SCFD2: variants seen among roughly 807,000 people sequenced by gnomAD.
The protein encoded by SCFD2 is sec1 family domain-containing protein 2.
A neutral mutation model predicts 58.9 loss-of-function variants in SCFD2; 54 were observed. The ratio of observed to expected loss-of-function variants is 0.92; its 90% CI spans 0.74 to 1.15. SCFD2 has a LOEUF of 1.15. Among genes scored for constraint, SCFD2 ranks in the 50% most tolerant of loss-of-function variants. SCFD2 has a pLI of 0.00. For synonymous variants in SCFD2, 321 were observed against 335.9 expected, an observed-to-expected ratio of 0.96 and a Z score of 0.49; for missense variants, 805 against 836.6, an observed-to-expected ratio of 0.96 and a Z score of 0.47.
rs1718722130 is a variant in SCFD2, at chr4:52,885,692, C to CA, written c.1962+54dup. On this transcript the variant is annotated intron_variant, in intron 8 of 8. Transcript: ENST00000401642. ...GACCCATAGGTGGAGGGCCCTCACC[C>CA]ACCCTTCACACCCCTACTTCTGAGC... is the stretch of plus-strand genomic sequence containing the variant. 1.9e-6 allele frequency: 3 copies of CA among 1,605,410 alleles called. No individual in the cohort carries two copies. The East Asian group carries it at 6.7e-5, about 36-fold the overall frequency.
chr4:53,019,168 C>A (rs1722287107), intron 5 of SCFD2, among the ~76,000 whole-genome samples: 1 of 151,850 alleles, frequency 6.6e-6, no homozygotes, highest in Admixed American at 6.6e-5. Flanking sequence ...AAGATAAGGA[C>A]AAAGATTTAT....
chr4:53,007,305 G>GGA (rs147645284), intron 5 of SCFD2, among the ~76,000 whole-genome samples: 6,149 of 66,118 alleles, frequency 0.093, 339 homozygotes, highest in South Asian at 0.13. Context: ...AGAGGGAGAG[G>GGA]GAGAGAGAGA....
intron 6 of SCFD2, 30 bp from the exon 7 acceptor site, chr4:52,907,621 G>T (rs1719378931): frequency 6.2e-7 from 1 of 1,611,942 alleles, no homozygotes; most frequent in South Asian, 1.1e-5. Flanking sequence ...TGAGTAAAGG[G>T]ATTGTTTGGT....
rs139555011 is a variant in SCFD2 at position 52,998,255 on chromosome 4, T to C, written c.1562-77385A>G. 2.3e-3 allele frequency among the ~76,000 whole-genome samples: 344 copies of C among 152,352 alleles called. 4 individuals carry two copies. Among genetic ancestry groups the C allele is most frequent in the Admixed American group, 0.021 (317 of 15,310 alleles). ...TCAGATACTCAGTAAAGTCCTACTA[T>C]GTGCCAGGCACTGCAAGGCTGAAGT... On this transcript the variant is annotated intron_variant, in intron 5 of 8. Coordinates refer to ENST00000401642, the MANE Select transcript of SCFD2 (RefSeq NM_152540.4).
intron 3 of SCFD2, among the ~76,000 whole-genome samples, chr4:53,283,707 T>G (rs148348726): frequency 0.11 from 16,038 of 151,904 alleles, 950 homozygotes; most frequent in East Asian, 0.21. Context: ...AAGCTGGGAT[T>G]ACAGGCGCCC....
intron 8 of SCFD2, among the ~76,000 whole-genome samples, chr4:52,881,078 A>AT (rs1219661496): frequency 6.6e-6 from 1 of 152,186 alleles, no homozygotes; most frequent in Non-Finnish European, 1.5e-5. Context: ...CAATGCACCC[A>AT]TTTTCTCTCA....
chr4:53,148,171 A>T (rs762685797), intron 4 of SCFD2, among the ~76,000 whole-genome samples: 68 of 152,332 alleles, frequency 4.5e-4, no homozygotes, highest in Non-Finnish European at 6.5e-4. Context: ...ATGATTTTTT[A>T]AAATATAGTT....
At chr4:53,033,885 C>G (rs1458847929) in intron 5 of SCFD2, among the ~76,000 whole-genome samples, 11 of 152,250 alleles carry the variant, frequency 7.2e-5, no homozygotes, top group African/African-American at 2.6e-4. Context: ...ACCAGAGGTA[C>G]AAAGAGGAGC....
chr4:53,013,151 TTAGAA>T (rs1194104267), intron 5 of SCFD2, among the ~76,000 whole-genome samples: 1 of 152,210 alleles, frequency 6.6e-6, no homozygotes, highest in African/African-American at 2.4e-5. Context: ...CAAAATCTGC[TTAGAA>T]TAGGCCATTC....
chr4:53,331,618 GCACTAAATGCCCA>G (rs748910681), intron 2 of SCFD2, among the ~76,000 whole-genome samples: 40 of 152,102 alleles, frequency 2.6e-4, no homozygotes, highest in Non-Finnish European at 5.9e-4. Flanking sequence ...GAAATTTATA[GCACTAAATGCCCA>G]CAGGAGAAAG....
At chr4:53,202,697 T>G (rs1246149384) in intron 4 of SCFD2, among the ~76,000 whole-genome samples, 2 of 152,142 alleles carry the variant, frequency 1.3e-5, no homozygotes, top group African/African-American at 4.8e-5. Flanking sequence ...CCTCTTTTAT[T>G]TCATTGAGCA....
At chr4:53,022,237 C>T (rs577847062) in intron 5 of SCFD2, among the ~76,000 whole-genome samples, 56 of 152,234 alleles carry the variant, frequency 3.7e-4, no homozygotes, top group African/African-American at 1.3e-3. Flanking sequence ...ATGTTATTTT[C>T]TCTTACTGGG....
intron 5 of SCFD2, among the ~76,000 whole-genome samples, chr4:53,081,452 A>C (rs1316496106): frequency 6.6e-6 from 1 of 152,022 alleles, no homozygotes; most frequent in Non-Finnish European, 1.5e-5. Context: ...ATTTATGTCC[A>C]TGTGTGCTCA....
chr4:53,102,064 C>A (rs1403340228), intron 5 of SCFD2, among the ~76,000 whole-genome samples: 1 of 152,122 alleles, frequency 6.6e-6, no homozygotes, highest in Admixed American at 6.6e-5. Context: ...AATGCACATG[C>A]AAATCAATGA....
chr4:53,111,368 G>C (rs1185591318), intron 5 of SCFD2, among the ~76,000 whole-genome samples: 1 of 151,924 alleles, frequency 6.6e-6, no homozygotes, highest in Admixed American at 6.6e-5. Flanking sequence ...TGAAATGCTA[G>C]TAATAAGACG....
chr4:52,983,115 A>T (rs1560501368), intron 5 of SCFD2, among the ~76,000 whole-genome samples: 1 of 152,146 alleles, frequency 6.6e-6, no homozygotes, highest in Non-Finnish European at 1.5e-5. Flanking sequence ...TTCACAATAG[A>T]CCTGGATGCT....
At chr4:53,003,350 T>C (rs1319906896) in intron 5 of SCFD2, among the ~76,000 whole-genome samples, 1 of 152,236 alleles carries the variant, frequency 6.6e-6, no homozygotes, top group Non-Finnish European at 1.5e-5. Context: ...CACATGTAGC[T>C]ATTTACATGT....
At chr4:53,197,912 C>G (rs571866780) in intron 4 of SCFD2, among the ~76,000 whole-genome samples, 1 of 152,100 alleles carries the variant, frequency 6.6e-6, no homozygotes, top group South Asian at 2.1e-4. Flanking sequence ...TTCATATTTT[C>G]CAGGAATAAA....
chr4:52,953,406 CA>C (rs1460746520), intron 5 of SCFD2, among the ~76,000 whole-genome samples: 1 of 152,182 alleles, frequency 6.6e-6, no homozygotes, highest in Non-Finnish European at 1.5e-5. Flanking sequence ...ACTATGTCTA[CA>C]AGATAGACAA....
Sources: gnomAD v4.1 joint callset for allele counts (sites outside exome capture counted in the v4.1 genomes callset) on GRCh38, gnomAD v4.1.1 for gene constraint, MANE v1.5 for transcripts, NCBI Gene and HGNC (gene_info 2026-07-23, HGNC 2026-07-21) for gene names.